LAMTOR1: variants seen among roughly 807,000 people sequenced by gnomAD.
LAMTOR1 encodes ragulator complex protein LAMTOR1.
In LAMTOR1, 8 loss-of-function variants were observed where a neutral mutation model predicts 20.5. The observed-to-expected ratio is 0.39, with a 90% confidence interval of 0.23 to 0.70. LAMTOR1 has a LOEUF of 0.70. LAMTOR1 is among the 30% of genes least tolerant of loss of function. The probability of loss-of-function intolerance (pLI) is 0.43; values close to 1 mark genes in which losing one functional copy is unlikely to be tolerated. For missense variants in LAMTOR1, 135 were observed against 206.2 expected (o/e 0.65, Z 2.11); for synonymous variants, 77 against 80.9 (o/e 0.95, Z 0.26).
intron 3 of LAMTOR1, 85 bp downstream of exon 3, chr11:72,098,695 AC>A: frequency 9.8e-7 from 1 of 1,025,102 alleles, no homozygotes; most frequent in South Asian, 1.7e-5. Context: ...AGAAGCTTGG[AC>A]TAGGGGCCAG....
chr11:72,103,136 CCA>C (rs1480153186), intron 1 of LAMTOR1, 45 bp downstream of exon 1: 1 of 1,566,642 alleles, frequency 6.4e-7, no homozygotes, highest in Non-Finnish European at 8.7e-7. Flanking sequence ...GCCCCATGCC[CCA>C]GTGTCTTAGC....
Position 72,099,141 on chromosome 11 carries a change from A to C in LAMTOR1, c.158T>G (p.Leu53Arg). Residue 53 changes from leucine (L) to arginine (R), a missense_variant, in exon 2 of 5, where the codon CTG becomes CGG. Transcript: ENST00000278671. Reference sequence around the variant, plus strand: ...TGTCTTGGCAAGGATGGAAGAGAGCAGGGCCTGCTCATCAGTGCGAGCGGA... The same window carrying C: ...TGTCTTGGCAAGGATGGAAGAGAGCCGGGCCTGCTCATCAGTGCGAGCGGA... ...LPSARTDEQA[L>R]LSSILAKTAS... 1 of 1,613,986 alleles carries C rather than the reference A, an allele frequency of 6.2e-7. No homozygotes were observed. The highest frequency in any genetic ancestry group is 8.5e-7 in the Non-Finnish European group (1 of 1,179,966).
In LAMTOR1 at chr11:72,098,379, A is replaced by G. The variant is rs757858794; in HGVS notation, c.303T>C (p.His101=). The G allele has an allele frequency of 7.4e-6, 12 of 1,612,344 alleles. No homozygotes were observed. The highest frequency in any genetic ancestry group is 1.3e-5 in the African/African-American group (1 of 74,854). Residue 101 remains histidine, a synonymous_variant, in exon 4 of 5, where the codon CAT becomes CAC. Transcript: ENST00000278671. ...RLAVLSSSLT[H]WKKLPPLPSL... is the part of the protein sequence containing the mutation. ...ACGGCAGCGGTGGCAGCTTCTTCCA[A>G]TGGGTCAGGCTGCTGCTCAGCACAG... is the stretch of plus-strand genomic sequence containing the variant.
intron 4 of LAMTOR1, 155 bp from the exon 5 acceptor site, chr11:72,098,069 G>A: frequency 1.9e-6 from 2 of 1,077,480 alleles, no homozygotes; most frequent in South Asian, 1.6e-5. Flanking sequence ...GAGACAGAAG[G>A]AAAAGAACAA....
intron 1 of LAMTOR1, among the ~76,000 whole-genome samples, chr11:72,100,985 A>G (rs949635431): frequency 1.3e-5 from 2 of 152,226 alleles, no homozygotes; most frequent in Admixed American, 6.5e-5. Flanking sequence ...AGATAAAACT[A>G]TGTATTTCTA....
chr11:72,102,952 G>A (rs1945499316), intron 1 of LAMTOR1, among the ~76,000 whole-genome samples: 1 of 152,366 alleles, frequency 6.6e-6, no homozygotes, highest in East Asian at 1.9e-4. Flanking sequence ...TGGTGGGAGC[G>A]AGCCGGACAG....
At chr11:72,102,013 C>G (rs1278040759) in intron 1 of LAMTOR1, among the ~76,000 whole-genome samples, 1 of 152,144 alleles carries the variant, frequency 6.6e-6, no homozygotes, top group Non-Finnish European at 1.5e-5. Context: ...CAACACATGC[C>G]TAACACAGGG....
intron 1 of LAMTOR1, among the ~76,000 whole-genome samples, chr11:72,101,544 C>T (rs926886105): frequency 6.6e-6 from 1 of 152,218 alleles, no homozygotes; most frequent in Non-Finnish European, 1.5e-5. Context: ...TGACGGATGT[C>T]TGGCAAGAGT....
chr11:72,098,693 G>T, intron 3 of LAMTOR1, 88 bp downstream of exon 3: 5 of 1,014,382 alleles, frequency 4.9e-6, no homozygotes, highest in Non-Finnish European at 5.7e-6. Context: ...TGAGAAGCTT[G>T]GACTAGGGGC....
At chr11:72,098,990 T>C in intron 2 of LAMTOR1, 121 bp downstream of exon 2, 1 of 1,430,644 alleles carries the variant, frequency 7.0e-7, no homozygotes, top group East Asian at 2.3e-5. Context: ...GGGCTGGACA[T>C]GGAGGCACCT....
intron 3 of LAMTOR1, 41 bp from the exon 4 acceptor site, chr11:72,098,456 C>A: frequency 6.3e-7 from 1 of 1,589,158 alleles, no homozygotes; most frequent in South Asian, 1.2e-5. Context: ...AGTTAAGCCA[C>A]AGTCTGCCCT....
At chr11:72,099,277 G>A (rs1945351524) in intron 1 of LAMTOR1, 21 bp from the exon 2 acceptor site, 1 of 1,528,298 alleles carries the variant, frequency 6.5e-7, no homozygotes, top group Admixed American at 2.0e-5. Context: ...TCATGGGAGA[G>A]AAGTCAGCCC....
intron 1 of LAMTOR1, among the ~76,000 whole-genome samples, chr11:72,101,290 G>T (rs749687311): frequency 3.3e-5 from 5 of 152,226 alleles, no homozygotes; most frequent in African/African-American, 9.7e-5. Context: ...TCACATCAAG[G>T]TTTGTCTCTG....
intron 1 of LAMTOR1, among the ~76,000 whole-genome samples, chr11:72,102,951 C>G (rs768956242): frequency 1.6e-4 from 24 of 152,222 alleles, no homozygotes; most frequent in African/African-American, 5.5e-4. Context: ...GTGGTGGGAG[C>G]GAGCCGGACA....
At position 72,099,091 on chromosome 11, in the gene LAMTOR1, C is replaced by G; in HGVS notation, c.188+20G>C. The G allele has an allele frequency of 6.2e-7, 1 of 1,613,414 alleles. No homozygotes were observed. The highest frequency in any genetic ancestry group is 1.3e-5 in the African/African-American group (1 of 75,046). On this transcript the variant is annotated intron_variant, in intron 2 of 4. Coordinates refer to ENST00000278671, the MANE Select transcript of LAMTOR1 (RefSeq NM_017907.3). ...ATGGATAGAGGAGCTCTGACCCAGG[C>G]CTGGTCCTCTGACACTTACCTGGCT... is the stretch of plus-strand genomic sequence containing the variant.
chr11:72,098,676 C>T (rs1475987048), intron 3 of LAMTOR1, 105 bp downstream of exon 3: 8 of 898,438 alleles, frequency 8.9e-6, no homozygotes, highest in South Asian at 7.0e-5. Flanking sequence ...TCCAGGGCTG[C>T]ACCAAATGAG....
intron 1 of LAMTOR1, among the ~76,000 whole-genome samples, chr11:72,099,457 A>G (rs1295432747): frequency 6.6e-6 from 1 of 152,224 alleles, no homozygotes; most frequent in African/African-American, 2.4e-5. Flanking sequence ...GTGTTCTAGG[A>G]TAAATGAGAG....
At position 72,103,225 on chromosome 11, in the gene LAMTOR1, G is replaced by A. The variant is rs1369316923; in HGVS notation, c.-1C>T. ...TCTCGCTGCTGTAGCAGCACCCCAT[G>A]GCCGGGGTCGGGCCGGGCGCTCAGG... On this transcript the variant is annotated 5_prime_UTR_variant, in exon 1 of 5. Transcript: ENST00000278671. The A allele has an allele frequency of 6.4e-7, 1 of 1,562,398 alleles. No individual in the cohort carries two copies.
intron 3 of LAMTOR1, 125 bp downstream of exon 3, chr11:72,098,656 G>A (rs912102111): frequency 1.5e-5 from 12 of 805,376 alleles, no homozygotes; most frequent in South Asian, 1.5e-4. Flanking sequence ...CAAGTGATCT[G>A]TGGTCAGTCT....
Sources: allele counts gnomAD v4.1 joint callset (sites outside exome capture counted in the v4.1 genomes callset), GRCh38; gene constraint gnomAD v4.1.1; transcripts MANE v1.5; gene names NCBI Gene and HGNC (gene_info 2026-07-23, HGNC 2026-07-21).